Variants in FOXP1 observed in about 807,000 individuals in gnomAD.
FOXP1 encodes the protein forkhead box P1, also known as forkhead box protein P1.
FOXP1 carries 15 observed loss-of-function variants against 98.2 expected under a neutral mutation model. That is an observed-to-expected ratio of 0.15 (90% CI 0.10 to 0.24). FOXP1 has a LOEUF of 0.24. Ranked by LOEUF, FOXP1 falls within the 10% of genes least tolerant of loss-of-function variation. The pLI is 1.00. For missense variants in FOXP1, 633 were observed against 848.5 expected (o/e 0.75, Z 3.15); for synonymous variants, 371 against 314.5 (o/e 1.18, Z -1.90).
intron 2 of FOXP1, among the ~76,000 whole-genome samples, chr3:71,519,247 AAACT>A (rs1211757334): frequency 2.6e-5 from 4 of 152,210 alleles, no homozygotes; most frequent in African/African-American, 4.8e-5. Context: ...CTGCATCTCA[AAACT>A]AACTAACTAA....
At chr3:71,046,910 A>G in intron 10 of FOXP1, 32 bp downstream of exon 10, 1 of 1,613,516 alleles carries the variant, frequency 6.2e-7, no homozygotes, top group Non-Finnish European at 8.5e-7. Flanking sequence ...AAGTCTTCAC[A>G]GAGCTATGCC....
At chr3:71,199,171 T>C (rs78359775) in intron 5 of FOXP1, among the ~76,000 whole-genome samples, 20,914 of 150,048 alleles carry the variant, frequency 0.14, 1,937 homozygotes, top group African/African-American at 0.25. Flanking sequence ...GCAGTGGCGC[T>C]ATCTCTGCTC....
At chr3:71,279,397 C>T (rs933814549) in intron 5 of FOXP1, among the ~76,000 whole-genome samples, 4 of 152,094 alleles carry the variant, frequency 2.6e-5, no homozygotes, top group East Asian at 1.9e-4. Flanking sequence ...GCGATGTCTA[C>T]GGATACTTTT....
At chr3:71,095,243 T>C (rs941394719) in intron 7 of FOXP1, among the ~76,000 whole-genome samples, 1 of 152,186 alleles carries the variant, frequency 6.6e-6, no homozygotes, top group Non-Finnish European at 1.5e-5. Flanking sequence ...ATTGGTAAAT[T>C]GTGTTAAAAA....
At chr3:71,499,331 A>G (rs2041153868) in intron 2 of FOXP1, among the ~76,000 whole-genome samples, 1 of 152,204 alleles carries the variant, frequency 6.6e-6, no homozygotes, top group Non-Finnish European at 1.5e-5. Context: ...ACCCTTATGC[A>G]AAAGTCAAAT....
intron 5 of FOXP1, among the ~76,000 whole-genome samples, chr3:71,212,318 C>T (rs1049155354): frequency 6.6e-6 from 1 of 152,216 alleles, no homozygotes; most frequent in African/African-American, 2.4e-5. Context: ...AAGAGACCCT[C>T]ATGAACCTCC....
At chr3:71,385,340 G>A (rs2080487297) in intron 3 of FOXP1, among the ~76,000 whole-genome samples, 1 of 152,148 alleles carries the variant, frequency 6.6e-6, no homozygotes, top group African/African-American at 2.4e-5. Context: ...ATTTAAAGTT[G>A]CCAGGCTTCT....
chr3:71,009,803 C>T (rs2043319628), intron 12 of FOXP1, among the ~76,000 whole-genome samples: 2 of 152,074 alleles, frequency 1.3e-5, no homozygotes, highest in Admixed American at 6.6e-5. Context: ...GGCTACAGTA[C>T]AGTGGCATTA....
At chr3:71,487,803 T>G (rs2090767874) in intron 3 of FOXP1, among the ~76,000 whole-genome samples, 1 of 152,238 alleles carries the variant, frequency 6.6e-6, no homozygotes, top group Admixed American at 6.5e-5. Flanking sequence ...GTAAGGGGCT[T>G]AGAGAGGAAT....
intron 2 of FOXP1, among the ~76,000 whole-genome samples, chr3:71,501,522 T>C (rs2041358911): frequency 6.6e-6 from 1 of 152,112 alleles, no homozygotes; most frequent in African/African-American, 2.4e-5. Flanking sequence ...CTCAATCTCC[T>C]GACCTCATGA....
At chr3:71,581,721 C>A (rs574382603) in intron 1 of FOXP1, 24 bp from the exon 2 acceptor site, 7 of 985,714 alleles carry the variant, frequency 7.1e-6, no homozygotes, top group Non-Finnish European at 8.4e-6. Flanking sequence ...GAAACCGGGG[C>A]GACCCTCAGC....
rs1363089035 is a variant in FOXP1 at position 70,956,160 on chromosome 3, A to G, written c.*3087T>C. 4 of 233,170 alleles carry G rather than the reference A, an allele frequency of 1.7e-5. No homozygotes were observed. Among genetic ancestry groups the G allele is most frequent in the Non-Finnish European group, 3.4e-5 (4 of 118,016 alleles). The allele number at this position is 233,170 out of a possible 1,614,324, so 14.4% of individuals were successfully genotyped here. A position where few individuals can be genotyped will look rare whatever the true frequency, so the allele number is the denominator to read the frequency against. On this transcript the variant is annotated 3_prime_UTR_variant, in exon 21 of 21. Transcript: ENST00000649528. Reference sequence around the variant, plus strand: ...GTGTATGCATTTATTCCTTTTTAGGAACAATATCTAAAAAAAGAACCGCCC... The same window carrying G: ...GTGTATGCATTTATTCCTTTTTAGGGACAATATCTAAAAAAAGAACCGCCC...
intron 2 of FOXP1, chr3:71,570,365 T>C (rs1394936386): frequency 2.6e-5 from 4 of 152,138 alleles, no homozygotes; most frequent in East Asian, 1.9e-4. Flanking sequence ...GAGTTATTCA[T>C]TGTAAGACTC....
intron 5 of FOXP1, among the ~76,000 whole-genome samples, chr3:71,222,987 T>A (rs575956271): frequency 6.6e-6 from 1 of 152,328 alleles, no homozygotes; most frequent in South Asian, 2.1e-4. Context: ...ATATATTGAA[T>A]AAATTTTTCC....
At chr3:71,157,983 G>T (rs2060906892) in intron 6 of FOXP1, among the ~76,000 whole-genome samples, 1 of 151,770 alleles carries the variant, frequency 6.6e-6, no homozygotes, top group Admixed American at 6.6e-5. Context: ...AGCTACTGGG[G>T]AGGCTGAGGC....
intron 2 of FOXP1, among the ~76,000 whole-genome samples, chr3:71,507,976 G>A (rs985738653): frequency 1.5e-4 from 23 of 152,202 alleles, no homozygotes. Flanking sequence ...ATCCAATGAA[G>A]TGTTATTATC....
chr3:71,192,774 T>C (rs1433589387), intron 6 of FOXP1, among the ~76,000 whole-genome samples: 1 of 152,002 alleles, frequency 6.6e-6, no homozygotes, highest in Non-Finnish European at 1.5e-5. Context: ...CTCAGCCTCA[T>C]GAGTAGCTGG....
intron 5 of FOXP1, among the ~76,000 whole-genome samples, chr3:71,241,572 C>T (rs1263511459): frequency 6.6e-6 from 1 of 152,170 alleles, no homozygotes; most frequent in Non-Finnish European, 1.5e-5. Context: ...CGAAACTCTT[C>T]ACATCAAACA....
intron 3 of FOXP1, among the ~76,000 whole-genome samples, chr3:71,480,560 A>G (rs1235231320): frequency 3.9e-5 from 6 of 152,260 alleles, no homozygotes; most frequent in African/African-American, 1.4e-4. Flanking sequence ...CTAAATGTGG[A>G]CACATCAATA....
Sources: gnomAD v4.1 joint callset for allele counts (sites outside exome capture counted in the v4.1 genomes callset) on GRCh38, gnomAD v4.1.1 for gene constraint, MANE v1.5 for transcripts, NCBI Gene and HGNC (gene_info 2026-07-23, HGNC 2026-07-21) for gene names.